The following OSBPL10 variants were observed in gnomAD, a reference collection of about 807,000 sequenced individuals.
The protein encoded by OSBPL10 is oxysterol binding protein like 10, also known as oxysterol-binding protein-related protein 10.
Under a neutral mutation model 81.7 loss-of-function variants are expected in OSBPL10, and 49 were observed. The observed-to-expected ratio is 0.60, with a 90% CI of 0.48 to 0.76. OSBPL10 has a LOEUF of 0.76. Among genes scored for constraint, OSBPL10 ranks in the 30% least tolerant of loss-of-function variants. The probability of loss-of-function intolerance (pLI) is 0.00; values close to 1 mark genes in which losing one functional copy is unlikely to be tolerated. For missense variants in OSBPL10, 923 were observed against 987.8 expected (o/e 0.93, Z 0.88); for synonymous variants, 419 against 383.6 (o/e 1.09, Z -1.08).
At chr3:32,032,471 C>T (rs1475549595) in intron 2 of OSBPL10, among the ~76,000 whole-genome samples, 1 of 151,762 alleles carries the variant, frequency 6.6e-6, no homozygotes, top group Non-Finnish European at 1.5e-5. Context: ...TGACAAAAAA[C>T]AATAAAATGA....
chr3:32,041,338 G>A lies in OSBPL10; in HGVS notation n.298+5153C>T, dbSNP rs113622140. Among the ~76,000 whole-genome samples the A allele has an allele frequency of 4.5e-3, 689 of 152,296 alleles. 7 individuals are homozygous for A. Among genetic ancestry groups the A allele is most frequent in the African/African-American group, 0.015 (635 of 41,572 alleles). Reference sequence around the variant, plus strand: ...TGTGGCTTCAGATATGGTACTTGCCGCAAAGCAGTAAAGACTTTTTCACAT... The same window carrying A: ...TGTGGCTTCAGATATGGTACTTGCCACAAAGCAGTAAAGACTTTTTCACAT... On this transcript the variant is annotated intron_variant and non_coding_transcript_variant, in intron 2 of 3. Coordinates refer to the OSBPL10 transcript ENST00000479173.
chr3:31,989,873 A>G, intron 2 of OSBPL10: 1 of 1,614,194 alleles, frequency 6.2e-7, no homozygotes, highest in Non-Finnish European at 8.5e-7. Flanking sequence ...GTATGTGGCA[A>G]GGTCTTTAAT....
chr3:32,045,601 T>C (rs1475354140), intron 2 of OSBPL10, among the ~76,000 whole-genome samples: 2 of 152,084 alleles, frequency 1.3e-5, no homozygotes, highest in African/African-American at 2.4e-5. Flanking sequence ...GTAGTCAGAA[T>C]TAACAGACAT....
At chr3:31,937,661 A>C (rs1697415892) in intron 1 of OSBPL10, among the ~76,000 whole-genome samples, 2 of 148,724 alleles carry the variant, frequency 1.3e-5, no homozygotes, top group African/African-American at 2.5e-5. Flanking sequence ...TTGGATCCCC[A>C]CCCTCCTACA....
At chr3:31,807,653 A>G (rs542093398) in intron 4 of OSBPL10, among the ~76,000 whole-genome samples, 9 of 151,312 alleles carry the variant, frequency 5.9e-5, no homozygotes, top group South Asian at 4.2e-4. Context: ...TGGGAGGATC[A>G]CTTGAGTCCA....
chr3:31,756,163 C>T (rs184045545), intron 4 of OSBPL10, among the ~76,000 whole-genome samples: 5 of 152,336 alleles, frequency 3.3e-5, no homozygotes, highest in East Asian at 3.9e-4. Flanking sequence ...GCTTCACTTT[C>T]CTGGCAAGGC....
chr3:32,069,534 A>G (rs1216633880), intron 1 of OSBPL10, among the ~76,000 whole-genome samples: 1 of 152,196 alleles, frequency 6.6e-6, no homozygotes, highest in African/African-American at 2.4e-5. Flanking sequence ...CCCGCTTAAC[A>G]GCAACCCTTA....
intron 3 of OSBPL10, among the ~76,000 whole-genome samples, chr3:31,850,020 C>T (rs1001038287): frequency 3.9e-5 from 6 of 152,126 alleles, no homozygotes; most frequent in Non-Finnish European, 7.3e-5. Flanking sequence ...AACAAATTAG[C>T]TGGGTGTGGT....
In OSBPL10 at chr3:31,980,571, C is replaced by T. The variant is rs565203936; in HGVS notation, c.281+328G>A. 2.1e-3 allele frequency among the ~76,000 whole-genome samples: 305 copies of T among 147,582 alleles called. 2 individuals are homozygous for T. The highest frequency in any genetic ancestry group is 3.4e-3 in the Middle Eastern group (1 of 290). On this transcript the variant is annotated intron_variant, in intron 1 of 11. Coordinates refer to ENST00000396556, the MANE Select transcript of OSBPL10 (RefSeq NM_017784.5). ...CATTCTTCAGGCGTGCGGGAAACCG[C>T]GGACAAGCAGAGCACGGGGACCAGC...
At chr3:31,886,684 G>C (rs1309344978) in intron 1 of OSBPL10, among the ~76,000 whole-genome samples, 1 of 152,238 alleles carries the variant, frequency 6.6e-6, no homozygotes. Context: ...GATCACGCCT[G>C]TAATCCCAGC....
chr3:32,040,447 G>A (rs1239889841), intron 2 of OSBPL10, among the ~76,000 whole-genome samples: 1 of 152,072 alleles, frequency 6.6e-6, no homozygotes, highest in African/African-American at 2.4e-5. Context: ...GTGGTGGCAT[G>A]CACCTGTAGT....
At chr3:31,964,299 GGTGTGCACCAC>G (rs1236425716) in intron 1 of OSBPL10, among the ~76,000 whole-genome samples, 1 of 152,132 alleles carries the variant, frequency 6.6e-6, no homozygotes, top group African/African-American at 2.4e-5. Context: ...TGGGACTACA[GGTGTGCACCAC>G]CACACCTGGC....
At chr3:31,663,911 T>C (rs1700122025) in intron 11 of OSBPL10, 168 bp downstream of exon 11, 2 of 1,506,748 alleles carry the variant, frequency 1.3e-6, no homozygotes, top group South Asian at 1.3e-5. Flanking sequence ...GCAGAAAACC[T>C]GTCCTGAAGC....
At chr3:31,789,828 A>G (rs1407628239) in intron 4 of OSBPL10, among the ~76,000 whole-genome samples, 1 of 152,212 alleles carries the variant, frequency 6.6e-6, no homozygotes, top group Non-Finnish European at 1.5e-5. Flanking sequence ...CTATGCACCA[A>G]AAATAAAGAG....
In OSBPL10 at chr3:31,900,075, G is replaced by A. The variant is rs142565202; in HGVS notation, c.282-20245C>T. On this transcript the variant is annotated intron_variant, in intron 1 of 11. Transcript: ENST00000396556. ...GGGTCTGGCTCTGTCACCCAGGCTG[G>A]GGTGCAGTGGTGAGATCAAGGCTCA... is the stretch of plus-strand genomic sequence containing the variant. Among the ~76,000 whole-genome samples, 636 of 150,556 alleles carry A rather than the reference G, an allele frequency of 4.2e-3. 9 individuals carry two copies. The highest frequency in any genetic ancestry group is 0.038 in the South Asian group (181 of 4,712).
intron 3 of OSBPL10, among the ~76,000 whole-genome samples, chr3:31,874,178 T>C (rs1335314337): frequency 3.3e-5 from 5 of 151,932 alleles, no homozygotes; most frequent in Admixed American, 3.3e-4. Context: ...TTCATCAAAA[T>C]ATTAATGTAC....
chr3:32,068,993 C>G (rs575580282), intron 1 of OSBPL10, among the ~76,000 whole-genome samples: 37 of 152,268 alleles, frequency 2.4e-4, no homozygotes, highest in African/African-American at 8.7e-4. Flanking sequence ...CCTCCCCACA[C>G]CCGGTCTGGT....
chr3:32,021,233 AG>A (rs1699360987), intron 2 of OSBPL10, among the ~76,000 whole-genome samples: 1 of 152,198 alleles, frequency 6.6e-6, no homozygotes. Context: ...AGTCCATAAC[AG>A]TGATTCTTTG....
intron 7 of OSBPL10, among the ~76,000 whole-genome samples, chr3:31,699,754 G>A (rs1028880568): frequency 6.6e-6 from 1 of 152,190 alleles, no homozygotes; most frequent in African/African-American, 2.4e-5. Context: ...AGCACTATGT[G>A]CCCAGTTGGG....
Sources: gnomAD v4.1 joint callset for allele counts (sites outside exome capture counted in the v4.1 genomes callset) on GRCh38, gnomAD v4.1.1 for gene constraint, MANE v1.5 for transcripts, NCBI Gene and HGNC (gene_info 2026-07-23, HGNC 2026-07-21) for gene names.